Variants in DPP10 observed in about 807,000 individuals in gnomAD.
DPP10 encodes the protein dipeptidyl peptidase like 10, also known as inactive dipeptidyl peptidase 10.
In DPP10, 33 loss-of-function variants were observed where a neutral mutation model predicts 120.9. That is an observed-to-expected ratio of 0.27 (90% confidence interval 0.21 to 0.37). The LOEUF is 0.37. Ranked by LOEUF, DPP10 falls within the 10% of genes least tolerant of loss-of-function variation. DPP10 has a pLI of 1.00. For synonymous variants in DPP10, 337 were observed against 326.1 expected, an observed-to-expected ratio of 1.03 and a Z score of -0.36; for missense variants, 816 against 942.8, an observed-to-expected ratio of 0.87 and a Z score of 1.76.
chr2:114,903,295 G>A (rs984150020), intron 1 of DPP10, among the ~76,000 whole-genome samples: 4 of 152,178 alleles, frequency 2.6e-5, no homozygotes, highest in African/African-American at 9.7e-5. Context: ...AAACCTGTGA[G>A]TTAATACCAA....
chr2:115,197,275 C>A (rs571074899), intron 1 of DPP10, among the ~76,000 whole-genome samples: 1 of 151,924 alleles, frequency 6.6e-6, no homozygotes, highest in Non-Finnish European at 1.5e-5. Context: ...ACCTGTAGTC[C>A]CAGCTACTCA....
intron 3 of DPP10, among the ~76,000 whole-genome samples, chr2:115,495,681 G>A (rs1388456805): frequency 7.2e-5 from 11 of 152,088 alleles, no homozygotes; most frequent in South Asian, 2.1e-4. Context: ...AAAAAAATTG[G>A]ATCGAAATGG....
intron 1 of DPP10, among the ~76,000 whole-genome samples, chr2:114,870,692 A>T (rs975815833): frequency 1.5e-5 from 2 of 133,122 alleles, no homozygotes; most frequent in African/African-American, 5.5e-5. Flanking sequence ...TGTTTTTACT[A>T]AAAAAAATGA....
At chr2:114,720,897 G>C (rs1459466767) in intron 1 of DPP10, among the ~76,000 whole-genome samples, 4 of 152,212 alleles carry the variant, frequency 2.6e-5, no homozygotes. Context: ...GAAAGGTACA[G>C]GTAGAGATGA....
At chr2:115,289,070 G>A (rs867361801) in intron 1 of DPP10, among the ~76,000 whole-genome samples, 2 of 152,132 alleles carry the variant, frequency 1.3e-5, no homozygotes, top group East Asian at 1.9e-4. Flanking sequence ...AAACACTCCC[G>A]GATTTGATCA....
intron 1 of DPP10, among the ~76,000 whole-genome samples, chr2:115,282,079 T>G (rs1244514699): frequency 6.6e-6 from 1 of 152,080 alleles, no homozygotes; most frequent in Non-Finnish European, 1.5e-5. Context: ...TTTGTACTTT[T>G]TCTCACGCTA....
intron 13 of DPP10, among the ~76,000 whole-genome samples, chr2:115,770,364 TA>T (rs1681313162): frequency 6.6e-6 from 1 of 152,122 alleles, no homozygotes; most frequent in African/African-American, 2.4e-5. Flanking sequence ...AAAAACTTAA[TA>T]AAGTTCTTAC....
intron 1 of DPP10, among the ~76,000 whole-genome samples, chr2:114,540,356 A>G (rs184422544): frequency 6.6e-6 from 1 of 152,330 alleles, no homozygotes; most frequent in African/African-American, 2.4e-5. Context: ...AGATCTCAAC[A>G]GAAGAAAAGT....
intron 3 of DPP10, among the ~76,000 whole-genome samples, chr2:115,486,240 G>C (rs375737414): frequency 0.27 from 40,888 of 151,730 alleles, 6,381 homozygotes; most frequent in East Asian, 0.41. Flanking sequence ...TCATAAGGGT[G>C]AGAAAACTTG....
intron 5 of DPP10, among the ~76,000 whole-genome samples, chr2:115,568,199 A>AAG (rs1553450792): frequency 6.9e-6 from 1 of 145,682 alleles, no homozygotes; most frequent in Non-Finnish European, 1.5e-5. Context: ...AAAAAAAAAA[A>AAG]AAAGACTGGG....
chr2:115,244,491 G>T (rs1223565397), intron 1 of DPP10, among the ~76,000 whole-genome samples: 1 of 151,758 alleles, frequency 6.6e-6, no homozygotes, highest in Non-Finnish European at 1.5e-5. Flanking sequence ...ACAGAGCTTT[G>T]TCTGTGGTAA....
At chr2:115,694,854 T>G (rs946777806) in intron 7 of DPP10, among the ~76,000 whole-genome samples, 2 of 152,214 alleles carry the variant, frequency 1.3e-5, no homozygotes, top group African/African-American at 4.8e-5. Context: ...GTGCTTATGT[T>G]CCTGGAGCAT....
intron 1 of DPP10, among the ~76,000 whole-genome samples, chr2:114,978,360 C>G (rs1699879791): frequency 6.6e-6 from 1 of 152,106 alleles, no homozygotes; most frequent in South Asian, 2.1e-4. Flanking sequence ...TGACCAATGA[C>G]CTGATACTGC....
chr2:114,721,448 T>C (rs973283064), intron 1 of DPP10, among the ~76,000 whole-genome samples: 3 of 152,248 alleles, frequency 2.0e-5, no homozygotes, highest in African/African-American at 4.8e-5. Context: ...AAAATTTGAA[T>C]AGACTTTTCT....
At chr2:114,985,930 C>T (rs1700366235) in intron 1 of DPP10, among the ~76,000 whole-genome samples, 1 of 152,074 alleles carries the variant, frequency 6.6e-6, no homozygotes, top group Non-Finnish European at 1.5e-5. Context: ...TAAAAATAAA[C>T]ACAAACACTT....
intron 1 of DPP10, among the ~76,000 whole-genome samples, chr2:114,560,568 T>C (rs1488763267): frequency 1.3e-5 from 2 of 152,128 alleles, no homozygotes; most frequent in African/African-American, 4.8e-5. Context: ...GCACTGGTCC[T>C]GGGTGAGGAG....
chr2:115,377,807 G>A (rs1398781605), intron 3 of DPP10, among the ~76,000 whole-genome samples: 3 of 152,038 alleles, frequency 2.0e-5, no homozygotes, highest in African/African-American at 7.3e-5. Context: ...TATTAAATAG[G>A]GAATCCTTTC....
chr2:115,244,239 TAG>T (rs67598156), intron 1 of DPP10, among the ~76,000 whole-genome samples: 3,613 of 93,108 alleles, frequency 0.039, 63 homozygotes, highest in African/African-American at 0.062. Flanking sequence ...TATATATATA[TAG>T]AGAGAGAGAG....
chr2:115,749,816 G>A (rs1678476736), intron 10 of DPP10, among the ~76,000 whole-genome samples: 1 of 152,186 alleles, frequency 6.6e-6, no homozygotes, highest in Non-Finnish European at 1.5e-5. Flanking sequence ...GATTGGACAG[G>A]AAGGCCATGA....
Sources: allele counts gnomAD v4.1 joint callset (sites outside exome capture counted in the v4.1 genomes callset), GRCh38; gene constraint gnomAD v4.1.1; transcripts MANE v1.5; gene names NCBI Gene and HGNC (gene_info 2026-07-23, HGNC 2026-07-21).